RUNX1T1: variants seen among roughly 807,000 people sequenced by gnomAD.
RUNX1T1 encodes protein CBFA2T1.
A neutral mutation model predicts 62.8 loss-of-function variants in RUNX1T1; 4 were observed. The ratio of observed to expected loss-of-function variants is 0.06; its 90% CI spans 0.03 to 0.15. RUNX1T1 has a LOEUF of 0.15. Ranked by LOEUF, RUNX1T1 falls within the 10% of genes least tolerant of loss-of-function variation. RUNX1T1 has a pLI of 1.00. For synonymous variants in RUNX1T1, 291 were observed against 286.0 expected (o/e 1.02, Z -0.18); for missense variants, 508 against 754.3 (o/e 0.67, Z 3.82).
At chr8:92,027,007 T>G (rs1160046412) in intron 1 of RUNX1T1, among the ~76,000 whole-genome samples, 3 of 148,964 alleles carry the variant, frequency 2.0e-5, no homozygotes, top group Middle Eastern at 3.5e-3. Context: ...TCCCAGCTAC[T>G]CGGGAGGCTG....
intron 2 of RUNX1T1, among the ~76,000 whole-genome samples, chr8:92,068,989 A>T (rs1833281634): frequency 6.6e-6 from 1 of 152,174 alleles, no homozygotes; most frequent in South Asian, 2.1e-4. Context: ...AGTAATAATC[A>T]TCATCATCAT....
chr8:92,013,066 CA>C (rs74909802), intron 3 of RUNX1T1, among the ~76,000 whole-genome samples: 114 of 144,446 alleles, frequency 7.9e-4, no homozygotes, highest in Admixed American at 1.7e-3. Context: ...AGGCAATTTT[CA>C]AAAAAAAAAA....
chr8:92,020,420 C>G (rs1823854808), intron 1 of RUNX1T1, among the ~76,000 whole-genome samples: 2 of 151,988 alleles, frequency 1.3e-5, no homozygotes, highest in Non-Finnish European at 2.9e-5. Context: ...TATAATATTT[C>G]TTATATAATT....
intron 1 of RUNX1T1, among the ~76,000 whole-genome samples, chr8:92,061,897 A>G (rs1832094251): frequency 6.6e-6 from 1 of 152,220 alleles, no homozygotes; most frequent in African/African-American, 2.4e-5. Context: ...CTTCACTGGC[A>G]ACGATCACAG....
intron 1 of RUNX1T1, among the ~76,000 whole-genome samples, chr8:92,042,718 T>C (rs1828686082): frequency 6.6e-6 from 1 of 152,100 alleles, no homozygotes; most frequent in African/African-American, 2.4e-5. Flanking sequence ...ATGTGAAAAA[T>C]TTATGCAACA....
intron 1 of RUNX1T1, among the ~76,000 whole-genome samples, chr8:92,024,293 G>A (rs1343891251): frequency 6.6e-6 from 1 of 151,698 alleles, no homozygotes; most frequent in East Asian, 2.0e-4. Flanking sequence ...TGGACCACTT[G>A]AGTACTGGAG....
chr8:92,001,328 G>C (rs1563723507), intron 5 of RUNX1T1, among the ~76,000 whole-genome samples: 1 of 152,060 alleles, frequency 6.6e-6, no homozygotes, highest in Non-Finnish European at 1.5e-5. Context: ...CCAGGAGTTT[G>C]AGACCAGCTT....
chr8:91,965,958 T>A (rs1002929698), intron 10 of RUNX1T1, among the ~76,000 whole-genome samples: 1 of 152,056 alleles, frequency 6.6e-6, no homozygotes, highest in African/African-American at 2.4e-5. Flanking sequence ...CTCCACCACC[T>A]TGCAAAGCAG....
intron 2 of RUNX1T1, among the ~76,000 whole-genome samples, chr8:92,075,020 T>C (rs1238220469): frequency 6.6e-6 from 1 of 152,208 alleles, no homozygotes; most frequent in Non-Finnish European, 1.5e-5. Flanking sequence ...AGAACAAGCC[T>C]ATAAGCATTT....
intron 10 of RUNX1T1, among the ~76,000 whole-genome samples, chr8:91,961,687 C>A (rs1285666368): frequency 2.0e-5 from 3 of 152,200 alleles, no homozygotes; most frequent in African/African-American, 7.2e-5. Flanking sequence ...AGGGGGACCT[C>A]ACAAAGCTGA....
intron 1 of RUNX1T1, among the ~76,000 whole-genome samples, chr8:92,031,012 G>C (rs565303136): frequency 1.3e-5 from 2 of 152,318 alleles, no homozygotes; most frequent in Admixed American, 6.5e-5. Context: ...ACCTAACATA[G>C]TCCTTTGGAA....
intron 4 of RUNX1T1, chr8:92,005,985 T>TACACACACACACACACACACACAC (rs139289273): frequency 9.5e-4 from 138 of 145,746 alleles, no homozygotes; most frequent in Middle Eastern, 3.5e-3. Context: ...AAGGAATGAA[T>TACACACACACACACACACACACAC]ACACACACAC....
chr8:92,034,753 TATACACAC>T (rs1202199107), intron 1 of RUNX1T1, among the ~76,000 whole-genome samples: 1,415 of 148,064 alleles, frequency 9.6e-3, no homozygotes, highest in Middle Eastern at 0.014. Flanking sequence ...TACACATATA[TATACACAC>T]ATATACATAT....
chr8:92,092,572 A>C (rs2130913139), intron 1 of RUNX1T1, among the ~76,000 whole-genome samples: 1 of 152,336 alleles, frequency 6.6e-6, no homozygotes, highest in South Asian at 2.1e-4. Context: ...AACAGTGTTA[A>C]CTTTGTTACA....
At chr8:92,066,032 T>A (rs1832824004), upstream of RUNX1T1, among the ~76,000 whole-genome samples, 1 of 152,218 alleles carries the variant, frequency 6.6e-6, no homozygotes, top group Non-Finnish European at 1.5e-5. Flanking sequence ...ATAAAGGCAC[T>A]CATTTAAGCA....
At chr8:92,095,362 C>T (rs1339195738) in intron 1 of RUNX1T1, 1 of 1,534,950 alleles carries the variant, frequency 6.5e-7, no homozygotes, top group African/African-American at 1.4e-5. Context: ...GGCAAAGGAG[C>T]GCGGGAGAGC....
At chr8:92,063,611 C>T (rs1194977336), upstream of RUNX1T1, 1 of 152,156 alleles carries the variant, frequency 6.6e-6, no homozygotes, top group Non-Finnish European at 1.5e-5. Context: ...CTAAAGCTGG[C>T]TATTTTCTTC....
chr8:91,976,169 A>T (rs1247714647), intron 8 of RUNX1T1, 196 bp from the exon 10 acceptor site: 1 of 537,240 alleles, frequency 1.9e-6, no homozygotes, highest in African/African-American at 1.9e-5. Context: ...CAAGGAAAAC[A>T]GAGGGTCATT....
chr8:92,044,707 G>A (rs1829074707), intron 1 of RUNX1T1, among the ~76,000 whole-genome samples: 1 of 152,190 alleles, frequency 6.6e-6, no homozygotes, highest in South Asian at 2.1e-4. Flanking sequence ...CAACATGTAT[G>A]GTTTTCCATT....
Sources: allele counts gnomAD v4.1 joint callset (sites outside exome capture counted in the v4.1 genomes callset), GRCh38; gene constraint gnomAD v4.1.1; transcripts MANE v1.5; gene names NCBI Gene and HGNC (gene_info 2026-07-23, HGNC 2026-07-21).